The following KLHL12 variants were observed in gnomAD, a reference collection of about 807,000 sequenced individuals.
The protein encoded by KLHL12 is kelch-like protein 12.
KLHL12 carries 17 observed loss-of-function variants against 60.8 expected under a neutral mutation model. The observed-to-expected ratio is 0.28, with a 90% CI of 0.19 to 0.42. The LOEUF (loss-of-function observed/expected upper bound fraction) is 0.42, where lower values mean the gene tolerates loss of function less well. KLHL12 is among the 10% of genes least tolerant of loss of function. The pLI, the probability that KLHL12 is intolerant of heterozygous loss-of-function variation, is 1.00. For synonymous variants in KLHL12, 220 were observed against 250.9 expected (o/e 0.88, Z 1.16); for missense variants, 468 against 722.3 (o/e 0.65, Z 4.04).
At chr1:202,905,954 G>A (rs377116039) in intron 6 of KLHL12, among the ~76,000 whole-genome samples, 149 of 125,538 alleles carry the variant, frequency 1.2e-3, no homozygotes, top group African/African-American at 4.1e-3. Flanking sequence ...ACAGGTGCCC[G>A]CCACCACACC....
Position 202,918,301 on chromosome 1 carries a change from T to C in KLHL12, c.437A>G (p.Asn146Ser), listed in dbSNP as rs1457771904. ...LGIRDFAETH[N>S]CVDLMQAAEV... ...AGCTGCTTGCATCAGGTCAACACAA[T>C]TGTGGGTTTCAGCAAAATCCCTAAT... is the stretch of plus-strand genomic sequence containing the variant. The change falls in exon 4 of 12, where the codon AAT becomes AGT. Residue 146 changes from asparagine to serine, a missense_variant. Transcript: ENST00000367261. The C allele has an allele frequency of 6.8e-6, 11 of 1,614,036 alleles. No individual in the cohort carries two copies. The Admixed American group carries it at 8.3e-5, about 12-fold the overall frequency.
chr1:202,903,602 A>G (rs933328785), intron 6 of KLHL12, among the ~76,000 whole-genome samples: 14 of 101,710 alleles, frequency 1.4e-4, no homozygotes, highest in African/African-American at 4.7e-4. Flanking sequence ...CTTCCCTAGT[A>G]GCTGGGACCA....
At chr1:202,921,171 C>A (rs956003790) in intron 2 of KLHL12, among the ~76,000 whole-genome samples, 3 of 148,554 alleles carry the variant, frequency 2.0e-5, no homozygotes, top group Non-Finnish European at 3.0e-5. Flanking sequence ...CCACTACAAC[C>A]AGCTAATTTT....
chr1:202,928,373 G>T, upstream of KLHL12: 1 of 516,244 alleles, frequency 1.9e-6, no homozygotes, highest in Non-Finnish European at 3.5e-6. Context: ...CTACAGCTCG[G>T]CGATTGGCTG....
chr1:202,895,831 T>C lies in KLHL12; in HGVS notation c.940-114A>G. 4 of 753,818 alleles carry C rather than the reference T, an allele frequency of 5.3e-6. No homozygotes were observed. The highest frequency in any genetic ancestry group is 8.8e-6 in the Non-Finnish European group (4 of 454,342). 46.7% of individuals were successfully genotyped at this position (753,818 alleles called of 1,614,324 possible). A position where few individuals can be genotyped will look rare whatever the true frequency, so the allele number is the denominator to read the frequency against. The stretch of plus-strand genomic sequence containing the variant: ...CACCTCTCTGCTTCTTCACCTGTCA[T>C]CATGAACCCTCCTTAAGTGGTTCAT... On this transcript the variant is annotated intron_variant, in intron 7 of 11. Coordinates refer to ENST00000367261, the MANE Select transcript of KLHL12 (RefSeq NM_021633.4). The surrounding 1 kb of genome is among the most constrained non-coding windows in gnomAD (Gnocchi z 4.2).
At chr1:202,904,018 A>C (rs1321147922) in intron 6 of KLHL12, among the ~76,000 whole-genome samples, 2 of 150,150 alleles carry the variant, frequency 1.3e-5, no homozygotes, top group Non-Finnish European at 3.0e-5. Flanking sequence ...CTATCTATTT[A>C]TCTATCTATC....
chr1:202,896,611 C>A (rs1659842745), intron 7 of KLHL12, among the ~76,000 whole-genome samples: 1 of 152,204 alleles, frequency 6.6e-6, no homozygotes, highest in Non-Finnish European at 1.5e-5. Context: ...TAGAAAGGCA[C>A]CTAACTAGTG....
In KLHL12 at chr1:202,895,157, C is replaced by T. The variant is rs113109210; in HGVS notation, c.1135+365G>A. Among the ~76,000 whole-genome samples, 3 of 152,194 alleles carry T rather than the reference C, an allele frequency of 2.0e-5. 1 individual carries two copies. The highest frequency in any genetic ancestry group is 7.2e-5 in the African/African-American group (3 of 41,520). ...CTGTAATCCCAGCACCTTGGGAGGC[C>T]GAGGTGGGTCAATCACTTGAGCTCA... On this transcript the variant is annotated intron_variant, in intron 8 of 11. Transcript: ENST00000367261. The surrounding 1 kb of genome is among the most constrained non-coding windows in gnomAD (Gnocchi z 4.2).
At chr1:202,906,748 G>A (rs1660205665) in intron 6 of KLHL12, among the ~76,000 whole-genome samples, 1 of 151,966 alleles carries the variant, frequency 6.6e-6, no homozygotes, top group South Asian at 2.1e-4. Flanking sequence ...TGCAACCTCC[G>A]CCTCCCGGGT....
chr1:202,899,475 A>T lies in KLHL12; in HGVS notation c.833-2515T>A, dbSNP rs544203284. 2.0e-5 allele frequency among the ~76,000 whole-genome samples: 3 copies of T among 152,262 alleles called. No homozygotes were observed. In the South Asian group the frequency reaches 6.2e-4, roughly 32 times the overall value. ...GGCACTTGTCTTATGTACTTGCCAA[A>T]TAAAGTGGACCCTCTCCAAAGTGAG... On this transcript the variant is annotated intron_variant, in intron 6 of 11. Coordinates refer to ENST00000367261, the MANE Select transcript of KLHL12 (RefSeq NM_021633.4).
chr1:202,911,337 C>T, intron 4 of KLHL12, 134 bp from the exon 5 acceptor site: 1 of 1,024,194 alleles, frequency 9.8e-7, no homozygotes, highest in Non-Finnish European at 1.4e-6. Context: ...CCAGAAATAG[C>T]TAGGCTCTTG....
chr1:202,897,228 C>CTTTTTT (rs11305071), intron 6 of KLHL12, among the ~76,000 whole-genome samples: 937 of 81,702 alleles, frequency 0.011, no homozygotes, highest in Non-Finnish European at 0.013. Context: ...ATTTCTTTTT[C>CTTTTTT]TTTTTTTTTT....
intron 7 of KLHL12, 57 bp downstream of exon 7, chr1:202,896,797 G>A: frequency 1.6e-6 from 2 of 1,279,150 alleles, no homozygotes; most frequent in South Asian, 1.2e-5. Flanking sequence ...ATGATCTGGA[G>A]GCAGAGACTG....
chr1:202,902,110 T>C (rs7542125), intron 6 of KLHL12, among the ~76,000 whole-genome samples: 35,156 of 152,116 alleles, frequency 0.23, 4,685 homozygotes, highest in East Asian at 0.57. Flanking sequence ...CATAATTTCC[T>C]TCCAGCCTTG....
chr1:202,919,684 T>C lies in KLHL12; in HGVS notation c.349+71A>G, dbSNP rs545833991. 6.7e-5 allele frequency: 95 copies of C among 1,422,616 alleles called. No homozygotes were observed. In the South Asian group the frequency reaches 1.2e-3, roughly 18 times the overall value. The allele number at this position is 1,422,616 out of a possible 1,614,324, so 88.1% of individuals were successfully genotyped here. ...TGTCTCCAAAATGTTCATGATTAAG[T>C]TTACACTATTAATTTTCAACCTTTC... On this transcript the variant is annotated intron_variant, in intron 3 of 11. Transcript: ENST00000367261.
At chr1:202,925,551 A>C (rs996021203) in intron 1 of KLHL12, among the ~76,000 whole-genome samples, 2 of 152,216 alleles carry the variant, frequency 1.3e-5, no homozygotes, top group Admixed American at 1.3e-4. Context: ...AAAATTTCTT[A>C]AAGGTGTTAT....
intron 4 of KLHL12, chr1:202,912,643 G>A (rs1660400877): frequency 7.5e-7 from 1 of 1,327,016 alleles, no homozygotes; most frequent in East Asian, 2.3e-5. Flanking sequence ...TATGGCGGTG[G>A]AGGCCAATAC....
intron 5 of KLHL12, 29 bp downstream of exon 5, chr1:202,911,025 T>A: frequency 2.5e-6 from 4 of 1,611,472 alleles, no homozygotes; most frequent in Non-Finnish European, 3.4e-6. Flanking sequence ...CGTCAAGGTT[T>A]TGGATCCTGA....
rs549533061 is a variant in KLHL12 at position 202,918,438 on chromosome 1, A to T, written c.350-50T>A. The T allele has an allele frequency of 3.6e-6, 5 of 1,370,626 alleles. No individual in the cohort carries two copies. In the South Asian group the frequency reaches 4.7e-5, roughly 13 times the overall value. The allele number at this position is 1,370,626 out of a possible 1,614,324, so 84.9% of individuals were successfully genotyped here. ...ACTTTAGAATAGTTGGACAGGTGTGATCTAGGATATATTCTTGTATCTCAG... is the reference window on the plus strand; with the variant it reads ...ACTTTAGAATAGTTGGACAGGTGTGTTCTAGGATATATTCTTGTATCTCAG... On this transcript the variant is annotated intron_variant, in intron 3 of 11. Coordinates refer to ENST00000367261, the MANE Select transcript of KLHL12 (RefSeq NM_021633.4).
Sources: allele counts gnomAD v4.1 joint callset (sites outside exome capture counted in the v4.1 genomes callset), GRCh38; gene constraint gnomAD v4.1.1; non-coding constraint Gnocchi (gnomAD v3.1); transcripts MANE v1.5; gene names NCBI Gene and HGNC (gene_info 2026-07-23, HGNC 2026-07-21).